R3HDM2: variants seen among roughly 807,000 people sequenced by gnomAD.
R3HDM2 encodes R3H domain containing 2, also known as R3H domain-containing protein 2.
A neutral mutation model predicts 124.5 loss-of-function variants in R3HDM2; 38 were observed. The observed-to-expected ratio is 0.31, with a 90% CI of 0.24 to 0.40. The LOEUF (loss-of-function observed/expected upper bound fraction) is 0.40, where lower values mean the gene tolerates loss of function less well. Ranked by LOEUF, R3HDM2 falls within the 10% of genes least tolerant of loss-of-function variation. R3HDM2 has a pLI of 1.00. For synonymous variants in R3HDM2, 391 were observed against 448.0 expected, an observed-to-expected ratio of 0.87 and a Z score of 1.61; for missense variants, 869 against 1,236.9, an observed-to-expected ratio of 0.70 and a Z score of 4.46.
chr12:57,319,526 C>T (rs1048235324), intron 2 of R3HDM2, among the ~76,000 whole-genome samples: 7 of 117,530 alleles, frequency 6.0e-5, no homozygotes, highest in Admixed American at 3.4e-4. Flanking sequence ...TTCCTCCCAC[C>T]GGCCCCTGTT....
rs532904526 is a variant in R3HDM2, at chr12:57,333,987, C to T, written c.-35-23524G>A. Among the ~76,000 whole-genome samples, 199 of 151,450 alleles carry T rather than the reference C, an allele frequency of 1.3e-3. 2 individuals carry two copies. Among genetic ancestry groups the T allele is most frequent in the African/African-American group, 4.6e-3 (188 of 41,292 alleles). On this transcript the variant is annotated intron_variant, in intron 2 of 23. Coordinates refer to ENST00000402412, the MANE Select transcript of R3HDM2 (RefSeq NM_001394031.1). Reference sequence around the variant, plus strand: ...CCAGGAGGCAGAGGCTGCAACGAGCCGAGACTGCGCCACTGCACTCCAGCC... The same window carrying T: ...CCAGGAGGCAGAGGCTGCAACGAGCTGAGACTGCGCCACTGCACTCCAGCC...
intron 13 of R3HDM2, among the ~76,000 whole-genome samples, chr12:57,281,997 A>G (rs1055387369): frequency 1.3e-5 from 2 of 152,170 alleles, no homozygotes; most frequent in African/African-American, 4.8e-5. Flanking sequence ...CCAAGAGGAA[A>G]CAAAGCTAAT....
intron 17 of R3HDM2, 74 bp downstream of exon 17, chr12:57,268,848 G>T: frequency 6.6e-7 from 1 of 1,518,662 alleles, no homozygotes; most frequent in East Asian, 2.3e-5. Context: ...TTTTAGTATG[G>T]ATGACCCTGG....
chr12:57,283,006 T>C (rs2046533952), intron 13 of R3HDM2, among the ~76,000 whole-genome samples: 1 of 152,220 alleles, frequency 6.6e-6, no homozygotes, highest in Non-Finnish European at 1.5e-5. Flanking sequence ...GATGGGTGGT[T>C]ACAGAGCTTT....
Position 57,258,093 on chromosome 12 carries a change from C to A in R3HDM2, c.2346G>T (p.Gln782His). ...TGGTGACAGGAGAGGGTGCTGGAGA[C>A]TGGGTAGGAGATGTGACAGGGCTGC... ...MSSSPVTSPTQSPAPSPVTSL... is the reference protein window; with the variant it reads ...MSSSPVTSPTHSPAPSPVTSL... Residue 782 changes from glutamine (Q) to histidine (H), a missense_variant, in exon 21 of 24, where the codon CAG becomes CAT. Physicochemically the swap from Gln to His is conservative, Grantham distance 24. Transcript: ENST00000402412. The A allele has an allele frequency of 6.3e-7, 1 of 1,592,586 alleles. No individual in the cohort carries two copies. The highest frequency in any genetic ancestry group is 8.6e-7 in the Non-Finnish European group (1 of 1,167,668).
chr12:57,422,697 C>G (rs2070330761), intron 1 of R3HDM2, among the ~76,000 whole-genome samples: 1 of 152,112 alleles, frequency 6.6e-6, no homozygotes, highest in Non-Finnish European at 1.5e-5. Context: ...GGACAGGGGC[C>G]AGGTGCAGTA....
At chr12:57,347,523 C>T (rs1022545276) in intron 2 of R3HDM2, among the ~76,000 whole-genome samples, 7 of 151,990 alleles carry the variant, frequency 4.6e-5, no homozygotes, top group South Asian at 2.1e-4. Flanking sequence ...AAAGAAAAAA[C>T]ACAAAATAAG....
At chr12:57,424,350 T>C (rs2139644980) in intron 1 of R3HDM2, among the ~76,000 whole-genome samples, 1 of 151,970 alleles carries the variant, frequency 6.6e-6, no homozygotes, top group South Asian at 2.1e-4. Flanking sequence ...TTAGCAGAGA[T>C]GGGGTTTCAT....
At chr12:57,293,707 C>T (rs913367708) in intron 10 of R3HDM2, among the ~76,000 whole-genome samples, 7 of 152,208 alleles carry the variant, frequency 4.6e-5, no homozygotes, top group African/African-American at 1.7e-4. Flanking sequence ...TGACTTCCAA[C>T]CCAGAGGCTT....
chr12:57,266,356 A>G (rs1465696199), intron 19 of R3HDM2, among the ~76,000 whole-genome samples: 1 of 151,836 alleles, frequency 6.6e-6, no homozygotes, highest in East Asian at 1.9e-4. Context: ...TTGGCCTCCC[A>G]AAGTGCTGGG....
intron 12 of R3HDM2, among the ~76,000 whole-genome samples, chr12:57,288,697 T>A (rs1287898437): frequency 6.6e-6 from 1 of 152,078 alleles, no homozygotes; most frequent in Non-Finnish European, 1.5e-5. Context: ...CCAGGAGCCA[T>A]TTTTTTAAAT....
At chr12:57,303,565 G>A (rs536057984) in intron 3 of R3HDM2, among the ~76,000 whole-genome samples, 39 of 140,060 alleles carry the variant, frequency 2.8e-4, no homozygotes, top group South Asian at 1.1e-3. Context: ...GCAACAAGGC[G>A]AAATCCCATC....
intron 2 of R3HDM2, among the ~76,000 whole-genome samples, chr12:57,337,273 A>G (rs937866343): frequency 6.6e-6 from 1 of 152,080 alleles, no homozygotes; most frequent in Non-Finnish European, 1.5e-5. Flanking sequence ...CTCCTGCCTC[A>G]GCCTTCCAAT....
intron 2 of R3HDM2, among the ~76,000 whole-genome samples, chr12:57,391,352 GA>G (rs1459777881): frequency 6.6e-6 from 1 of 152,092 alleles, no homozygotes; most frequent in East Asian, 1.9e-4. Context: ...ATCTCAAAAA[GA>G]AAAAAAGCCA....
At chr12:57,260,487 A>G (rs2040508539) in intron 19 of R3HDM2, among the ~76,000 whole-genome samples, 1 of 151,884 alleles carries the variant, frequency 6.6e-6, no homozygotes, top group African/African-American at 2.4e-5. Context: ...GAGGAACATT[A>G]AGACCTAAAT....
At chr12:57,348,593 T>C (rs1195468177) in intron 2 of R3HDM2, among the ~76,000 whole-genome samples, 7 of 139,804 alleles carry the variant, frequency 5.0e-5, no homozygotes, top group African/African-American at 1.1e-4. Flanking sequence ...ACTCAGGAGG[T>C]TGAGGCAGGA....
At chr12:57,386,457 A>C (rs4760306) in intron 2 of R3HDM2, among the ~76,000 whole-genome samples, 67,912 of 152,196 alleles carry the variant, frequency 0.45, 15,713 homozygotes, top group South Asian at 0.52. Context: ...GCACCTGGGC[A>C]AGCAGCTGCT....
chr12:57,400,771 G>A (rs1364943753), intron 1 of R3HDM2, among the ~76,000 whole-genome samples: 1 of 151,934 alleles, frequency 6.6e-6, no homozygotes, highest in Non-Finnish European at 1.5e-5. Flanking sequence ...ATAAAGGGCT[G>A]GAAACAGAGC....
At chr12:57,417,402 A>G (rs2069744471) in intron 1 of R3HDM2, among the ~76,000 whole-genome samples, 1 of 145,062 alleles carries the variant, frequency 6.9e-6, no homozygotes, top group South Asian at 2.3e-4. Flanking sequence ...AAAAAAAAAG[A>G]GAGAGACTTC....
Sources: gnomAD v4.1 joint callset for allele counts (sites outside exome capture counted in the v4.1 genomes callset) on GRCh38, gnomAD v4.1.1 for gene constraint, MANE v1.5 for transcripts, NCBI Gene and HGNC (gene_info 2026-07-23, HGNC 2026-07-21) for gene names.